Variants in ZNF41 observed in about 807,000 individuals in gnomAD.
ZNF41 encodes zinc finger protein 41.
In ZNF41, 6 loss-of-function variants were observed where a neutral mutation model predicts 9.3. The observed-to-expected ratio is 0.65, with a 90% CI of 0.35 to 1.28. ZNF41 has a LOEUF of 1.28. Ranked by LOEUF, ZNF41 falls within the 50% of genes most tolerant of loss-of-function variation. The pLI is 0.03. For missense variants in ZNF41, 523 were observed against 585.8 expected, an observed-to-expected ratio of 0.89 and a Z score of 1.11; for synonymous variants, 192 against 207.1, an observed-to-expected ratio of 0.93 and a Z score of 0.63.
intron 1 of ZNF41, among the ~76,000 whole-genome samples, chrX:47,477,413 G>A (rs2057365015): frequency 8.9e-6 from 1 of 112,778 alleles, no homozygotes; most frequent in Non-Finnish European, 1.9e-5. Context: ...CAAAGTGCTG[G>A]GATTACAGGC....
At chrX:47,455,796 T>C (rs768768308) in intron 4 of ZNF41, 125 bp downstream of exon 4, 149 of 627,611 alleles carry the variant, frequency 2.4e-4, no homozygotes, top group Non-Finnish European at 3.2e-4. Flanking sequence ...CTATCTCCAA[T>C]TGACTCCAAA....
Position 47,475,159 on chromosome X carries a change from A to AT in ZNF41, c.-279-7400_-279-7399insA, listed in dbSNP as rs1430733686. 8.3e-5 allele frequency among the ~76,000 whole-genome samples: 9 copies of AT among 108,093 alleles called. No individual in the cohort carries two copies. In the East Asian group the frequency reaches 1.4e-3, roughly 17 times the overall value. 93.9% of individuals were successfully genotyped at this position (108,093 alleles called of 115,157 possible). On this transcript the variant is annotated intron_variant, in intron 1 of 4. Transcript: ENST00000684689. ...ATCAAGGTAAAAGAGAAAGGAAAAA[A>AT]AATATATATATATGTATATATACAC...
rs1043232505 is a variant in ZNF41, at chrX:47,449,520, G to T, written c.296-46C>A. On this transcript the variant is annotated intron_variant, in intron 4 of 4. Coordinates refer to ENST00000684689, the MANE Select transcript of ZNF41 (RefSeq NM_001324144.2). ...ATGAAAACGACACAAAGAACAATCA[G>T]CAGAGGCTAGAGGGGACATGTAGTT... 7 of 1,172,355 alleles carry T rather than the reference G, an allele frequency of 6.0e-6. No individual in the cohort carries two copies. In the African/African-American group the frequency reaches 1.1e-4, roughly 18 times the overall value.
In ZNF41 at chrX:47,461,877, T is replaced by G. The variant is rs925297672; in HGVS notation, c.73-5479A>C. 7.5e-5 allele frequency among the ~76,000 whole-genome samples: 8 copies of G among 106,099 alleles called. No individual in the cohort carries two copies. The East Asian group carries it at 2.4e-3, about 31-fold the overall frequency. The allele number at this position is 106,099 out of a possible 115,157, so 92.1% of individuals were successfully genotyped here. A position where few individuals can be genotyped will look rare whatever the true frequency, so the allele number is the denominator to read the frequency against. ...GTGCACACCACCATGCCCAGCTAAT[T>G]TTTAAATTTTATTTTTACTTTTTTG... On this transcript the variant is annotated intron_variant, in intron 2 of 4. Transcript: ENST00000684689.
intron 1 of ZNF41, among the ~76,000 whole-genome samples, chrX:47,469,659 C>A (rs1188322208): frequency 8.9e-6 from 1 of 111,824 alleles, no homozygotes. Flanking sequence ...GCGAGCGGAT[C>A]ACGAAGTCAG....
chrX:47,476,134 C>T (rs58488586), intron 1 of ZNF41, among the ~76,000 whole-genome samples: 2,791 of 111,073 alleles, frequency 0.025, 77 homozygotes, highest in African/African-American at 0.085. Context: ...AGGCGGATCA[C>T]TTGAGGCCAG....
intron 1 of ZNF41, among the ~76,000 whole-genome samples, chrX:47,480,051 C>A (rs763268407): frequency 9.1e-6 from 1 of 109,840 alleles, no homozygotes; most frequent in African/African-American, 3.3e-5. Flanking sequence ...GCCAAGATTG[C>A]GCCACTGCAC....
At position 47,457,815 on chromosome X, in the gene ZNF41, C is replaced by T. The variant is rs373026964; in HGVS notation, c.73-1417G>A. ...TCACGCCACTGCACTCCAGCCTGGG[C>T]GACAGAACGAGACTCCATCTCAAAA... is the stretch of plus-strand genomic sequence containing the variant. On this transcript the variant is annotated intron_variant, in intron 2 of 4. Transcript: ENST00000684689. 3.0e-3 allele frequency among the ~76,000 whole-genome samples: 333 copies of T among 111,868 alleles called. 2 individuals are homozygous for T. The highest frequency in any genetic ancestry group is 0.01 in the African/African-American group (321 of 30,868).
At chrX:47,478,614 A>G (rs1232166012) in intron 1 of ZNF41, among the ~76,000 whole-genome samples, 1 of 111,695 alleles carries the variant, frequency 9.0e-6, no homozygotes, top group Non-Finnish European at 1.9e-5. Context: ...TACATACTAT[A>G]ACACGGATGA....
At chrX:47,471,150 T>C (rs912759985) in intron 1 of ZNF41, among the ~76,000 whole-genome samples, 1 of 111,113 alleles carries the variant, frequency 9.0e-6, no homozygotes, top group Non-Finnish European at 1.9e-5. Flanking sequence ...GCACCATTTA[T>C]TGAAAAGCCT....
chrX:47,466,079 A>G (rs1341420023), intron 2 of ZNF41, among the ~76,000 whole-genome samples: 2 of 111,638 alleles, frequency 1.8e-5, no homozygotes, highest in Non-Finnish European at 3.8e-5. Flanking sequence ...GAAAGGAAAT[A>G]CAGCTAAATG....
intron 1 of ZNF41, among the ~76,000 whole-genome samples, chrX:47,480,200 G>A (rs1281619083): frequency 8.9e-6 from 1 of 111,845 alleles, no homozygotes; most frequent in Non-Finnish European, 1.9e-5. Context: ...TATTTCTAAA[G>A]TCAATATGAT....
intron 4 of ZNF41, among the ~76,000 whole-genome samples, chrX:47,454,905 T>C (rs1361368583): frequency 8.9e-6 from 1 of 111,879 alleles, no homozygotes; most frequent in African/African-American, 3.2e-5. Context: ...TTAGATCAGC[T>C]GCCCATGGGA....
intron 1 of ZNF41, among the ~76,000 whole-genome samples, chrX:47,480,122 G>A (rs1015361662): frequency 9.0e-6 from 1 of 110,727 alleles, no homozygotes; most frequent in African/African-American, 3.3e-5. Flanking sequence ...AAGAATAAAC[G>A]CACAAGAAAA....
rs1294695028 is a variant in ZNF41, at chrX:47,446,102, T to C, written c.*1328A>G. 2 of 111,474 alleles carry C rather than the reference T, an allele frequency of 1.8e-5. No individual in the cohort carries two copies. The allele number at this position is 111,474 out of a possible 1,213,427, so 9.2% of individuals were successfully genotyped here. A position where few individuals can be genotyped will look rare whatever the true frequency, so the allele number is the denominator to read the frequency against. Reference sequence around the variant, plus strand: ...AGCTGTATGTTTATGATATATGCATTTTCTGTATACATTATAGTTTAATAA... The same window carrying C: ...AGCTGTATGTTTATGATATATGCATCTTCTGTATACATTATAGTTTAATAA... On this transcript the variant is annotated 3_prime_UTR_variant, in exon 5 of 5. Transcript: ENST00000684689.
chrX:47,466,153 C>T (rs2056976110), intron 2 of ZNF41, among the ~76,000 whole-genome samples: 1 of 110,334 alleles, frequency 9.1e-6, no homozygotes, highest in Non-Finnish European at 1.9e-5. Flanking sequence ...CTTCTATTTG[C>T]TAACGTATAC....
intron 4 of ZNF41, among the ~76,000 whole-genome samples, chrX:47,451,493 T>A (rs2056365267): frequency 8.9e-6 from 1 of 112,088 alleles, no homozygotes; most frequent in Non-Finnish European, 1.9e-5. Context: ...GTGGCTCATG[T>A]CTGTAATCCT....
Position 47,456,277 on chromosome X carries a change from G to A in ZNF41, c.194C>T (p.Ser65Leu), listed in dbSNP as rs1319580497. Reference protein sequence around the residue: ...VTLENYSHLLSVGYQIPKSEA... With the variant: ...VTLENYSHLLLVGYQIPKSEA... ...CATAGGGCGGCCGTGCTTACCCACT[G>A]AGAGCAGGTGGCTGTAGTTCTCTAG... Residue 65 changes from serine (S) to leucine (L), a missense_variant, in exon 3 of 5, where the codon TCA (serine) becomes TTA (leucine). Physicochemically the swap from Ser to Leu is moderately radical, Grantham distance 145. Coordinates refer to ENST00000684689, the MANE Select transcript of ZNF41 (RefSeq NM_001324144.2). 4 of 1,209,140 alleles carry A rather than the reference G, an allele frequency of 3.3e-6. No individual in the cohort carries two copies. The South Asian group carries it at 5.3e-5, about 16-fold the overall frequency.
intron 1 of ZNF41, among the ~76,000 whole-genome samples, chrX:47,470,510 T>C (rs1375255728): frequency 9.2e-6 from 1 of 108,608 alleles, no homozygotes; most frequent in East Asian, 2.9e-4. Context: ...GCAGATTACC[T>C]GAGGTCAGGA....
Sources: allele counts gnomAD v4.1 joint callset (sites outside exome capture counted in the v4.1 genomes callset), GRCh38; gene constraint gnomAD v4.1.1; transcripts MANE v1.5; gene names NCBI Gene and HGNC (gene_info 2026-07-23, HGNC 2026-07-21).